ILDR1: variants seen among roughly 807,000 people sequenced by gnomAD.
ILDR1 encodes the protein immunoglobulin like domain containing receptor 1.
ILDR1 carries 56 observed loss-of-function variants against 62.4 expected under a neutral mutation model. The ratio of observed to expected loss-of-function variants is 0.90; its 90% CI spans 0.72 to 1.12. The LOEUF (loss-of-function observed/expected upper bound fraction) is 1.12. ILDR1 is among the 50% of genes most tolerant of loss of function. The pLI is 0.00. For synonymous variants in ILDR1, 284 were observed against 277.8 expected, an observed-to-expected ratio of 1.02 and a Z score of -0.22; for missense variants, 736 against 710.6, an observed-to-expected ratio of 1.04 and a Z score of -0.41.
the ILDR1 span, among the ~76,000 whole-genome samples, chr3:122,051,298 C>G: frequency 6.6e-6 from 1 of 152,110 alleles, no homozygotes; most frequent in Non-Finnish European, 1.5e-5. Flanking sequence ...CTCAGGCTTT[C>G]TTTACTTATT....
chr3:122,000,919 T>C (rs1430918689), intron 5 of ILDR1, among the ~76,000 whole-genome samples: 1 of 152,230 alleles, frequency 6.6e-6, no homozygotes, highest in Non-Finnish European at 1.5e-5. Flanking sequence ...AAAACAGTTT[T>C]GTTTTCCTTT....
the ILDR1 span, among the ~76,000 whole-genome samples, chr3:122,028,935 T>C: frequency 8.7e-4 from 133 of 152,332 alleles, 2 homozygotes; most frequent in Middle Eastern, 3.4e-3. Flanking sequence ...CACAGGTACC[T>C]GTGCAAGGAT....
rs2071375651 is a variant in ILDR1 at position 121,993,161 on chromosome 3, CCA to C, written c.1586_1587del (p.Val529GlyfsTer11). The C allele has an allele frequency of 6.2e-7, 1 of 1,600,238 alleles. No homozygotes were observed. The highest frequency in any genetic ancestry group is 2.3e-5 in the East Asian group (1 of 44,152). The part of the protein sequence containing the change: ...PGKNSRKKGS[V>X]ERRSEKDSSH... ...TGCCCCAGGCTCACCGAGCGCCTCTCCACACTCCCTTTTTTCCTGCTATTCTT... is the reference window on the plus strand; with the variant it reads ...TGCCCCAGGCTCACCGAGCGCCTCTCCACTCCCTTTTTTCCTGCTATTCTT... On this transcript the variant is annotated frameshift_variant, in exon 7 of 8. Transcript: ENST00000344209. LOFTEE classifies it high-confidence loss of function.
chr3:121,998,118 T>A (rs2071463930), intron 5 of ILDR1, among the ~76,000 whole-genome samples: 1 of 152,192 alleles, frequency 6.6e-6, no homozygotes, highest in South Asian at 2.1e-4. Context: ...ATCCTCCACA[T>A]TTTAATGACT....
the ILDR1 span, among the ~76,000 whole-genome samples, chr3:122,039,161 C>T: frequency 1.1e-4 from 16 of 150,592 alleles, no homozygotes; most frequent in African/African-American, 3.7e-4. Context: ...ATCAGAGAGA[C>T]AGAATATAAG....
chr3:122,046,633 T>G, the ILDR1 span, among the ~76,000 whole-genome samples: 8 of 151,344 alleles, frequency 5.3e-5, no homozygotes, highest in East Asian at 1.5e-3. Flanking sequence ...TATTCTTTTT[T>G]CTCTAAACTT....
chr3:122,011,578 C>A (rs1559881026), intron 1 of ILDR1, among the ~76,000 whole-genome samples: 1 of 151,600 alleles, frequency 6.6e-6, no homozygotes, highest in Non-Finnish European at 1.5e-5. Context: ...CATTCACACT[C>A]TCTCCAGGGG....
At chr3:122,054,736 A>G in the ILDR1 span, among the ~76,000 whole-genome samples, 2 of 152,182 alleles carry the variant, frequency 1.3e-5, no homozygotes, top group South Asian at 2.1e-4. Flanking sequence ...ATCTTCTAGT[A>G]TAGTTTCTGC....
intron 3 of ILDR1, among the ~76,000 whole-genome samples, chr3:122,003,241 CTGTT>C (rs2071554878): frequency 6.6e-6 from 1 of 152,202 alleles, no homozygotes; most frequent in African/African-American, 2.4e-5. Flanking sequence ...TCTTTATTAT[CTGTT>C]TGTCAAGAAA....
chr3:121,988,892 A>G (rs547197758), intron 7 of ILDR1, among the ~76,000 whole-genome samples: 70 of 152,310 alleles, frequency 4.6e-4, no homozygotes, highest in Non-Finnish European at 6.8e-4. Context: ...AGAGATCACT[A>G]ATTACTTCTT....
At chr3:122,058,743 T>A in the ILDR1 span, among the ~76,000 whole-genome samples, 8 of 151,946 alleles carry the variant, frequency 5.3e-5, no homozygotes, top group African/African-American at 1.9e-4. Context: ...AATAGAGACA[T>A]GATAAAATTT....
At chr3:122,037,844 C>A in the ILDR1 span, among the ~76,000 whole-genome samples, 26 of 152,230 alleles carry the variant, frequency 1.7e-4, no homozygotes, top group African/African-American at 6.3e-4. Flanking sequence ...GATCATGGGG[C>A]AGATTTCCTC....
chr3:122,025,431 C>G (rs6801693), upstream of ILDR1: 62,223 of 152,052 alleles, frequency 0.41, 13,237 homozygotes, highest in African/African-American at 0.51. Flanking sequence ...CTTACCCAAG[C>G]CTACCCAGCT....
chr3:122,036,726 C>T, the ILDR1 span, among the ~76,000 whole-genome samples: 4 of 152,114 alleles, frequency 2.6e-5, no homozygotes, highest in East Asian at 1.9e-4. Context: ...AAAGAGGAGC[C>T]GAATGTTAAT....
chr3:122,048,788 C>T, the ILDR1 span, among the ~76,000 whole-genome samples: 8 of 152,112 alleles, frequency 5.3e-5, no homozygotes, highest in African/African-American at 1.9e-4. Context: ...TTTCATTTTT[C>T]ATCTTATCTG....
upstream of ILDR1, among the ~76,000 whole-genome samples, chr3:122,026,835 TAAAA>T (rs2071925163): frequency 6.6e-6 from 1 of 152,126 alleles, no homozygotes; most frequent in Non-Finnish European, 1.5e-5. Flanking sequence ...AACACAATTA[TAAAA>T]TAGAATTAAA....
intron 1 of ILDR1, among the ~76,000 whole-genome samples, chr3:122,010,549 G>A (rs897368353): frequency 2.0e-5 from 3 of 152,178 alleles, no homozygotes; most frequent in African/African-American, 7.2e-5. Context: ...GCCTAACATG[G>A]CTTTCTTAAT....
the ILDR1 span, among the ~76,000 whole-genome samples, chr3:122,042,166 G>A: frequency 1.3e-4 from 12 of 89,326 alleles, no homozygotes; most frequent in Admixed American, 7.7e-4. Flanking sequence ...AATATGCGGT[G>A]TTTGGTTTTT....
At chr3:122,009,561 T>C (rs941797960) in intron 1 of ILDR1, among the ~76,000 whole-genome samples, 1 of 152,240 alleles carries the variant, frequency 6.6e-6, no homozygotes, top group Non-Finnish European at 1.5e-5. Flanking sequence ...GCACATACAC[T>C]GCCACATTAG....
Sources: allele counts gnomAD v4.1 joint callset (sites outside exome capture counted in the v4.1 genomes callset), GRCh38; gene constraint gnomAD v4.1.1; transcripts MANE v1.5; gene names NCBI Gene and HGNC (gene_info 2026-07-23, HGNC 2026-07-21).